Variants in NSD2 observed in about 807,000 individuals in gnomAD.
NSD2 encodes nuclear receptor binding SET domain protein 2.
Under a neutral mutation model 139.0 loss-of-function variants are expected in NSD2, and 12 were observed. The observed-to-expected ratio is 0.09, with a 90% confidence interval of 0.06 to 0.14. The LOEUF is 0.14. Among genes scored for constraint, NSD2 ranks in the 10% least tolerant of loss-of-function variants. The probability of loss-of-function intolerance (pLI) is 1.00; values close to 1 mark genes in which losing one functional copy is unlikely to be tolerated. For synonymous variants in NSD2, 669 were observed against 648.7 expected, an observed-to-expected ratio of 1.03 and a Z score of -0.48; for missense variants, 1,155 against 1,745.0, an observed-to-expected ratio of 0.66 and a Z score of 6.02.
In NSD2 at chr4:1,953,463, C is replaced by T. The variant is rs574794395; in HGVS notation, c.2277C>T (p.Cys759=). Residue 759 remains cysteine, a synonymous_variant, in exon 12 of 22, where the codon TGC becomes TGT. Coordinates refer to ENST00000508803, the MANE Select transcript of NSD2 (RefSeq NM_001042424.3). ...TATTTGAGAGCCGAGGTTTCCGCTG[C>T]CCCCTCCACAGCTGTGTGAGCTGCC... ...LTVFESRGFR[C]PLHSCVSCHA... is the part of the protein sequence containing the mutation. 6.2e-7 allele frequency: 1 copy of T among 1,614,068 alleles called. No individual in the cohort carries two copies. The highest frequency in any genetic ancestry group is 1.3e-5 in the African/African-American group (1 of 75,034).
At chr4:1,905,683 C>T (rs926401039) in intron 3 of NSD2, among the ~76,000 whole-genome samples, 22 of 152,202 alleles carry the variant, frequency 1.4e-4, no homozygotes, top group African/African-American at 5.3e-4. Flanking sequence ...CTGCCGAGTC[C>T]TGGGTGCCCT....
rs1491516751 is a variant in NSD2 at position 1,934,909 on chromosome 4, A to ATATATATAT, written c.1556-235_1556-234insTATATATAT. Among the ~76,000 whole-genome samples, 13 of 117,474 alleles carry ATATATATAT rather than the reference A, an allele frequency of 1.1e-4. No homozygotes were observed. The South Asian group carries it at 2.3e-3, about 21-fold the overall frequency. The allele number at this position is 117,474 out of a possible 152,430, so 77.1% of individuals were successfully genotyped here. On this transcript the variant is annotated intron_variant, in intron 6 of 21. Transcript: ENST00000508803. ...TATATATATATATATATATATATAT[A>ATATATATAT]AAAAACAGATAAAACAGATGCTAAT...
Position 1,939,788 on chromosome 4 carries a change from T to C in NSD2, c.1881+10T>C, listed in dbSNP as rs775366810. The C allele has an allele frequency of 6.2e-7, 1 of 1,614,136 alleles. No individual in the cohort carries two copies. The highest frequency in any genetic ancestry group is 2.2e-5 in the East Asian group (1 of 44,890). On this transcript the variant is annotated intron_variant, in intron 9 of 21. Coordinates refer to ENST00000508803, the MANE Select transcript of NSD2 (RefSeq NM_001042424.3). The stretch of plus-strand genomic sequence containing the variant: ...CTTAACTGAGAATGAGGTAAAATAA[T>C]AATAATAACGATAACCATGGCATTG...
chr4:1,959,257 TTG>T (rs1381297206), intron 16 of NSD2, among the ~76,000 whole-genome samples: 2 of 151,948 alleles, frequency 1.3e-5, no homozygotes, highest in Non-Finnish European at 2.9e-5. Flanking sequence ...TGAGGGGGCG[TTG>T]TGTTGCCCTG....
At position 1,959,518 on chromosome 4, in the gene NSD2, A is replaced by G. The variant is rs751934125; in HGVS notation, c.3033A>G (p.Ser1011=). 6.2e-7 allele frequency: 1 copy of G among 1,614,218 alleles called. No homozygotes were observed. Among genetic ancestry groups the G allele is most frequent in the Non-Finnish European group, 8.5e-7 (1 of 1,180,046 alleles). ...GKVQIYTADI[S]EIPKCNCKPT... is the part of the protein sequence containing the mutation. The stretch of plus-strand genomic sequence containing the variant: ...TCCAGATCTACACAGCGGATATTTC[A>G]GAAATCCCTAAGTGCAACTGCAAGC... Residue 1011 remains serine (S), a synonymous_variant, in exon 17 of 22, where the codon TCA becomes TCG. Transcript: ENST00000508803.
chr4:1,884,942 C>G (rs1474881395), intron 1 of NSD2, among the ~76,000 whole-genome samples: 1 of 151,614 alleles, frequency 6.6e-6, no homozygotes, highest in African/African-American at 2.4e-5. Flanking sequence ...AACCCTGTCT[C>G]TACTAAAAAT....
Position 1,981,074 on chromosome 4 carries a change from G to T in NSD2, c.*2165G>T. ...GCTTTGCAGTGCACTTTGGGGAGCA[G>T]ATATTAACTTATTTTTGTGTTGGAC... On this transcript the variant is annotated 3_prime_UTR_variant, in exon 22 of 22. Coordinates refer to ENST00000508803, the MANE Select transcript of NSD2 (RefSeq NM_001042424.3). 1 of 233,236 alleles carries T rather than the reference G, an allele frequency of 4.3e-6. No homozygotes were observed. The highest frequency in any genetic ancestry group is 8.5e-6 in the Non-Finnish European group (1 of 118,026). 14.4% of individuals were successfully genotyped at this position (233,236 alleles called of 1,614,324 possible).
At chr4:1,928,132 G>A (rs992828970) in intron 5 of NSD2, among the ~76,000 whole-genome samples, 5 of 151,342 alleles carry the variant, frequency 3.3e-5, no homozygotes, top group Admixed American at 6.6e-5. Context: ...CAAACTCCTG[G>A]CCTCAAGTGA....
At chr4:1,941,749 A>G in intron 9 of NSD2, 1 of 1,049,200 alleles carries the variant, frequency 9.5e-7, no homozygotes, top group Non-Finnish European at 1.2e-6. Flanking sequence ...GGCTTAGATA[A>G]ATCTTCCATT....
At chr4:1,946,411 G>A (rs943061476) in intron 9 of NSD2, 28 of 434,016 alleles carry the variant, frequency 6.5e-5, no homozygotes, top group Admixed American at 2.5e-4. Context: ...GGGACTACAA[G>A]CGGCTGCCAC....
At chr4:1,877,348 C>G (rs1018260194) in intron 1 of NSD2, among the ~76,000 whole-genome samples, 21 of 152,136 alleles carry the variant, frequency 1.4e-4, no homozygotes, top group Non-Finnish European at 5.9e-5. Context: ...TGTCCCCAGT[C>G]TTCAGGGGGT....
intron 1 of NSD2, among the ~76,000 whole-genome samples, chr4:1,886,099 C>T (rs569457736): frequency 7.4e-4 from 113 of 152,320 alleles, no homozygotes; most frequent in Admixed American, 1.3e-3. Context: ...AAAGCGCGTC[C>T]ATTGAAGACG....
intron 3 of NSD2, among the ~76,000 whole-genome samples, chr4:1,913,571 T>C (rs550184219): frequency 6.6e-6 from 1 of 152,326 alleles, no homozygotes; most frequent in African/African-American, 2.4e-5. Context: ...CTCTGAGAAA[T>C]GCATAGAAGA....
At position 1,979,270 on chromosome 4, in the gene NSD2, G is replaced by A. The variant is rs1170879480; in HGVS notation, c.*361G>A. 1 of 257,352 alleles carries A rather than the reference G, an allele frequency of 3.9e-6. No homozygotes were observed. The highest frequency in any genetic ancestry group is 7.4e-6 in the Non-Finnish European group (1 of 135,292). 15.9% of individuals were successfully genotyped at this position (257,352 alleles called of 1,614,324 possible). A position where few individuals can be genotyped will look rare whatever the true frequency, so the allele number is the denominator to read the frequency against. On this transcript the variant is annotated 3_prime_UTR_variant, in exon 22 of 22. Coordinates refer to ENST00000508803, the MANE Select transcript of NSD2 (RefSeq NM_001042424.3). ...AATCTCCTCTGAAATGTGTAGCGTAGGCTTTTCCCAAGGGTCGCTAGAAAC... is the reference window on the plus strand; with the variant it reads ...AATCTCCTCTGAAATGTGTAGCGTAAGCTTTTCCCAAGGGTCGCTAGAAAC...
At chr4:1,961,766 C>G (rs1297786642) in intron 18 of NSD2, among the ~76,000 whole-genome samples, 1 of 152,228 alleles carries the variant, frequency 6.6e-6, no homozygotes, top group Non-Finnish European at 1.5e-5. Flanking sequence ...CAGGGCGGCT[C>G]CTTCAATGGC....
At chr4:1,965,792 A>C (rs1026175547) in intron 18 of NSD2, among the ~76,000 whole-genome samples, 1 of 152,198 alleles carries the variant, frequency 6.6e-6, no homozygotes, top group Non-Finnish European at 1.5e-5. Context: ...AGTGTGTGAG[A>C]GCCCAGGAAA....
chr4:1,889,143 C>T (rs571156923), intron 1 of NSD2, among the ~76,000 whole-genome samples: 1 of 152,068 alleles, frequency 6.6e-6, no homozygotes, highest in Non-Finnish European at 1.5e-5. Context: ...GGTGATCCAC[C>T]CGCTTTGGCC....
intron 1 of NSD2, among the ~76,000 whole-genome samples, chr4:1,895,331 T>TAAGGGAAAA (rs983466337): frequency 6.6e-6 from 1 of 152,214 alleles, no homozygotes; most frequent in Non-Finnish European, 1.5e-5. Context: ...TCCCAACACC[T>TAAGGGAAAA]AAAATCAGTG....
intron 1 of NSD2, among the ~76,000 whole-genome samples, chr4:1,874,926 AG>A (rs1714138680): frequency 6.6e-6 from 1 of 152,194 alleles, no homozygotes; most frequent in Non-Finnish European, 1.5e-5. Flanking sequence ...TTGGTAACCC[AG>A]GGACTCTAGC....
Sources: gnomAD v4.1 joint callset for allele counts (sites outside exome capture counted in the v4.1 genomes callset) on GRCh38, gnomAD v4.1.1 for gene constraint, MANE v1.5 for transcripts, NCBI Gene and HGNC (gene_info 2026-07-23, HGNC 2026-07-21) for gene names.